The following GDPD4 variants were observed in gnomAD, a reference collection of about 807,000 sequenced individuals.
GDPD4 encodes glycerophosphodiester phosphodiesterase 6.
A neutral mutation model predicts 67.8 loss-of-function variants in GDPD4; 60 were observed. The observed-to-expected ratio is 0.88, with a 90% confidence interval of 0.72 to 1.10. The LOEUF (loss-of-function observed/expected upper bound fraction) is 1.10, where lower values mean the gene tolerates loss of function less well. Among genes scored for constraint, GDPD4 ranks in the 50% least tolerant of loss-of-function variants. The pLI, the probability that GDPD4 is intolerant of heterozygous loss-of-function variation, is 0.00. For missense variants in GDPD4, 623 were observed against 613.9 expected (o/e 1.01, Z -0.16); for synonymous variants, 212 against 210.9 (o/e 1.00, Z -0.04).
At chr11:77,253,093 G>A (rs1055929559) in intron 11 of GDPD4, among the ~76,000 whole-genome samples, 1 of 152,152 alleles carries the variant, frequency 6.6e-6, no homozygotes, top group Non-Finnish European at 1.5e-5. Context: ...TGGCAGAGTT[G>A]GACATAGGTT....
chr11:77,279,509 T>C (rs1422682284), intron 3 of GDPD4, 110 bp from the exon 4 acceptor site: 3 of 554,578 alleles, frequency 5.4e-6, no homozygotes, highest in Non-Finnish European at 1.0e-5. Flanking sequence ...TGTAGGGAGA[T>C]AAAAAGAAGC....
chr11:77,227,740 C>CA, intron 16 of GDPD4, 124 bp downstream of exon 16: 3 of 599,760 alleles, frequency 5.0e-6, no homozygotes, highest in Non-Finnish European at 6.3e-6. Context: ...GTCCCTCCCC[C>CA]AACCCCACCC....
chr11:77,248,331 T>C (rs1182643260), intron 11 of GDPD4, among the ~76,000 whole-genome samples: 1 of 151,588 alleles, frequency 6.6e-6, no homozygotes, highest in African/African-American at 2.4e-5. Context: ...GCCTCCCAAG[T>C]AGCTGGGATT....
At chr11:77,292,394 C>T (rs552560000) in intron 1 of GDPD4, among the ~76,000 whole-genome samples, 2 of 151,758 alleles carry the variant, frequency 1.3e-5, no homozygotes, top group African/African-American at 2.4e-5. Context: ...AAATTAAAAC[C>T]TTTTGAACTG....
At chr11:77,276,391 A>C (rs962672883) in intron 4 of GDPD4, among the ~76,000 whole-genome samples, 171 bp from the exon 5 acceptor site, 1 of 151,996 alleles carries the variant, frequency 6.6e-6, no homozygotes, top group African/African-American at 2.4e-5. Context: ...TGCCTGAAAA[A>C]GCTCCCTCTC....
intron 11 of GDPD4, among the ~76,000 whole-genome samples, chr11:77,251,523 T>C (rs2135851647): frequency 6.6e-6 from 1 of 152,352 alleles, no homozygotes; most frequent in Non-Finnish European, 1.5e-5. Flanking sequence ...TTTCAGTACT[T>C]TGAATACCTC....
Position 77,227,850 on chromosome 11 carries a change from G to T in GDPD4, c.1525+14C>A. The T allele has an allele frequency of 1.9e-6, 3 of 1,603,528 alleles. No individual in the cohort carries two copies. The highest frequency in any genetic ancestry group is 2.6e-6 in the Non-Finnish European group (3 of 1,170,626). ...GGATGAAGAGACAGGAGTGGGCTAG[G>T]CCTCTGACTTTACCTGTGCGAGTGC... is the stretch of plus-strand genomic sequence containing the variant. On this transcript the variant is annotated intron_variant, in intron 16 of 16. Coordinates refer to ENST00000315938, the MANE Select transcript of GDPD4 (RefSeq NM_182833.3).
At chr11:77,294,230 C>T (rs1937876050) in intron 1 of GDPD4, among the ~76,000 whole-genome samples, 2 of 152,074 alleles carry the variant, frequency 1.3e-5, no homozygotes, top group Admixed American at 1.3e-4. Flanking sequence ...ACGAATGAAC[C>T]ACAGTGAAAG....
intron 16 of GDPD4, among the ~76,000 whole-genome samples, chr11:77,219,255 T>TAG (rs1958182769): frequency 6.6e-6 from 1 of 152,218 alleles, no homozygotes; most frequent in South Asian, 2.1e-4. Context: ...TAAATTTGTT[T>TAG]AAGTTCTTTG....
intron 16 of GDPD4, among the ~76,000 whole-genome samples, chr11:77,223,175 T>C (rs1958260769): frequency 6.6e-6 from 1 of 152,224 alleles, no homozygotes; most frequent in South Asian, 2.1e-4. Context: ...CTCCTTTCGC[T>C]TGGAGAAGTT....
At chr11:77,251,420 C>T (rs537993243) in intron 11 of GDPD4, among the ~76,000 whole-genome samples, 1 of 152,264 alleles carries the variant, frequency 6.6e-6, no homozygotes, top group African/African-American at 2.4e-5. Flanking sequence ...GTTTTGCATT[C>T]CCCAGTTTTT....
At chr11:77,281,995 G>T (rs1287067385) in intron 3 of GDPD4, among the ~76,000 whole-genome samples, 2 of 152,090 alleles carry the variant, frequency 1.3e-5, no homozygotes, top group African/African-American at 4.8e-5. Flanking sequence ...AAGTAAATAT[G>T]TAGGTAAATC....
chr11:77,300,969 T>C (rs905940809), intron 1 of GDPD4, among the ~76,000 whole-genome samples: 9 of 152,158 alleles, frequency 5.9e-5, no homozygotes, highest in Non-Finnish European at 1.0e-4. Flanking sequence ...GGTAAGCTGC[T>C]TGGATATCGA....
At chr11:77,265,013 T>A (rs1670453) in intron 10 of GDPD4, among the ~76,000 whole-genome samples, 113,103 of 151,984 alleles carry the variant, frequency 0.74, 43,213 homozygotes, top group African/African-American at 0.93. Flanking sequence ...TTATATCTGT[T>A]TAATAAGACA....
intron 1 of GDPD4, among the ~76,000 whole-genome samples, chr11:77,297,060 CA>C (rs538534637): frequency 1.7e-3 from 196 of 116,576 alleles, no homozygotes; most frequent in African/African-American, 5.4e-3. Flanking sequence ...TCAAAAAAAA[CA>C]AAAAAAAAAA....
chr11:77,237,979 A>T (rs1958596318), intron 13 of GDPD4, among the ~76,000 whole-genome samples: 1 of 152,204 alleles, frequency 6.6e-6, no homozygotes, highest in African/African-American at 2.4e-5. Flanking sequence ...AAGAAGATCT[A>T]AAACAGGTCA....
chr11:77,276,166 G>T lies in GDPD4; in HGVS notation c.202C>A (p.His68Asn). 1.2e-6 allele frequency: 2 copies of T among 1,612,400 alleles called. No individual in the cohort carries two copies. The highest frequency in any genetic ancestry group is 2.2e-5 in the South Asian group (2 of 91,030). ...ERIELYLHLC[H>N]KILILLVILL... ...TGTGGACTCAGATGTCCTACCTTATGACACAAGTGCAGGTATAGTTCAATC... is the reference window on the plus strand; with the variant it reads ...TGTGGACTCAGATGTCCTACCTTATTACACAAGTGCAGGTATAGTTCAATC... The change falls in exon 5 of 17, where the codon CAT becomes AAT. Residue 68 changes from histidine to asparagine, a missense_variant. Transcript: ENST00000315938.
At chr11:77,225,817 A>C (rs764471324) in intron 16 of GDPD4, among the ~76,000 whole-genome samples, 4 of 152,322 alleles carry the variant, frequency 2.6e-5, no homozygotes, top group African/African-American at 7.2e-5. Flanking sequence ...CTCCGTATTT[A>C]GCAAATGAGG....
At position 77,293,177 on chromosome 11, in the gene GDPD4, T is replaced by C. The variant is rs1386990868; in HGVS notation, c.-253-5757A>G. On this transcript the variant is annotated intron_variant, in intron 1 of 16. Coordinates refer to ENST00000315938, the MANE Select transcript of GDPD4 (RefSeq NM_182833.3). ...ACACCAAAACCAGACAAAGATATCC[T>C]GAAAAAAGTACAAACCAATATCCCT... is the stretch of plus-strand genomic sequence containing the variant. Among the ~76,000 whole-genome samples the C allele has an allele frequency of 4.2e-4, 64 of 152,164 alleles. 1 individual carries two copies. Among genetic ancestry groups the C allele is most frequent in the Admixed American group, 4.1e-3 (63 of 15,268 alleles).
Sources: gnomAD v4.1 joint callset for allele counts (sites outside exome capture counted in the v4.1 genomes callset) on GRCh38, gnomAD v4.1.1 for gene constraint, MANE v1.5 for transcripts, NCBI Gene and HGNC (gene_info 2026-07-23, HGNC 2026-07-21) for gene names.